Variants in TPO observed in about 807,000 individuals in gnomAD.
TPO encodes thyroid microsomal antigen.
TPO carries 78 observed loss-of-function variants against 96.9 expected under a neutral mutation model. The ratio of observed to expected loss-of-function variants is 0.81; its 90% CI spans 0.67 to 0.97. The LOEUF (loss-of-function observed/expected upper bound fraction) is 0.97, where lower values mean the gene tolerates loss of function less well. TPO is among the 50% of genes least tolerant of loss of function. The probability of loss-of-function intolerance (pLI) is 0.00; values close to 1 mark genes in which losing one functional copy is unlikely to be tolerated. For synonymous variants in TPO, 547 were observed against 538.0 expected (o/e 1.02, Z -0.23); for missense variants, 1,252 against 1,274.8 (o/e 0.98, Z 0.27).
At position 1,477,610 on chromosome 2, in the gene TPO, C is replaced by CG; in HGVS notation, c.1338+10dup. ...TCGTGGGCGCTCTGCACCAGGTGCG[C>CG]GGGGTGGTCCTGGGCGCCCTGGGTG... On this transcript the variant is annotated splice_region_variant and intron_variant, in intron 8 of 16. Coordinates refer to ENST00000329066, the MANE Select transcript of TPO (RefSeq NM_001206744.2). The CG allele has an allele frequency of 1.3e-6, 2 of 1,510,030 alleles. No individual in the cohort carries two copies. The highest frequency in any genetic ancestry group is 1.8e-6 in the Non-Finnish European group (2 of 1,135,260). The allele number at this position is 1,510,030 out of a possible 1,614,324, so 93.5% of individuals were successfully genotyped here.
intron 7 of TPO, among the ~76,000 whole-genome samples, chr2:1,461,745 T>C (rs962384477): frequency 6.6e-6 from 1 of 152,028 alleles, no homozygotes; most frequent in Non-Finnish European, 1.5e-5. Flanking sequence ...TACATGCTCA[T>C]GACACACAGA....
intron 1 of TPO, among the ~76,000 whole-genome samples, chr2:1,390,636 A>G (rs1661985647): frequency 6.6e-6 from 1 of 151,902 alleles, no homozygotes; most frequent in South Asian, 2.1e-4. Flanking sequence ...ACTAATTTAC[A>G]CTCCCATTAA....
At position 1,477,855 on chromosome 2, in the gene TPO, C is replaced by T. The variant is rs531986381; in HGVS notation, c.1338+251C>T. 9 of 985,428 alleles carry T rather than the reference C, an allele frequency of 9.1e-6. No individual in the cohort carries two copies. In the South Asian group the frequency reaches 2.8e-4, roughly 31 times the overall value. The allele number at this position is 985,428 out of a possible 1,614,324, so 61.0% of individuals were successfully genotyped here. ...AAGGGTAACTCCGGAGCTGGCGGCC[C>T]TCCGGGGCCCCTCTGTCCCACCTGC... On this transcript the variant is annotated intron_variant, in intron 8 of 16. Coordinates refer to ENST00000329066, the MANE Select transcript of TPO (RefSeq NM_001206744.2).
In TPO at chr2:1,542,649, A is replaced by C; in HGVS notation, c.*175A>C. ...ATGGATGAATAAATGTTATAGCTGC[A>C]TTTGTCTGGCCTTTTCTTGTAAACA... is the stretch of plus-strand genomic sequence containing the variant. On this transcript the variant is annotated 3_prime_UTR_variant, in exon 17 of 17. Transcript: ENST00000329066. The C allele has an allele frequency of 6.5e-7, 1 of 1,536,828 alleles. No individual in the cohort carries two copies. The highest frequency in any genetic ancestry group is 8.8e-7 in the Non-Finnish European group (1 of 1,136,120).
At chr2:1,398,317 A>G (rs1043053002) in intron 1 of TPO, among the ~76,000 whole-genome samples, 5 of 152,126 alleles carry the variant, frequency 3.3e-5, no homozygotes, top group African/African-American at 1.2e-4. Flanking sequence ...CGCGCTGCCC[A>G]CAAACTACTG....
chr2:1,517,079 A>AC, intron 15 of TPO, 97 bp downstream of exon 15: 1 of 1,262,308 alleles, frequency 7.9e-7, no homozygotes, highest in Non-Finnish European at 1.1e-6. Flanking sequence ...CCCGAAGCTA[A>AC]CACAGGTTAC....
rs576187639 is a variant in TPO at position 1,432,549 on chromosome 2, G to A, written c.180-889G>A. Among the ~76,000 whole-genome samples, 6 of 137,972 alleles carry A rather than the reference G, an allele frequency of 4.3e-5. No homozygotes were observed. In the East Asian group the frequency reaches 1.5e-3, roughly 34 times the overall value. The allele number at this position is 137,972 out of a possible 152,430, so 90.5% of individuals were successfully genotyped here. On this transcript the variant is annotated intron_variant, in intron 3 of 16. Coordinates refer to ENST00000329066, the MANE Select transcript of TPO (RefSeq NM_001206744.2). ...AGGGGAGGCCTGCAGGTGAGGAGAGGCCTGCAGGTGGGGTGAGGCCTGCAG... is the reference window on the plus strand; with the variant it reads ...AGGGGAGGCCTGCAGGTGAGGAGAGACCTGCAGGTGGGGTGAGGCCTGCAG...
chr2:1,534,481 CTCCCCAAACCCCCCACGCAGTGTGCAACT>C (rs1392537306), intron 15 of TPO, among the ~76,000 whole-genome samples: 2 of 94,078 alleles, frequency 2.1e-5, no homozygotes, highest in Non-Finnish European at 4.4e-5. Context: ...TCTGTGCAAA[CTCCCCAAACCCCCCACGCAGTGTGCAACT>C]TCCCCAAATC....
At chr2:1,496,414 G>A (rs906323856) in intron 12 of TPO, among the ~76,000 whole-genome samples, 181 bp from the exon 13 acceptor site, 1 of 152,164 alleles carries the variant, frequency 6.6e-6, no homozygotes, top group African/African-American at 2.4e-5. Flanking sequence ...GGGAGCCCGC[G>A]GGGCCCGATC....
rs749941271 is a variant in TPO, at chr2:1,496,069, G to C, written c.2087G>C (p.Cys696Ser). 29 of 1,613,938 alleles carry C rather than the reference G, an allele frequency of 1.8e-5. No individual in the cohort carries two copies. The highest frequency in any genetic ancestry group is 2.3e-5 in the Non-Finnish European group (27 of 1,180,032). ...LEKHSLSRVICDNTGLTRVPM... is the reference protein window; with the variant it reads ...LEKHSLSRVISDNTGLTRVPM... ...AAGCACTCCCTGTCTCGGGTCATCT[G>C]TGACAACACTGGCCTCACCAGGGTG... Residue 696 changes from cysteine (C) to serine (S), a missense_variant, in exon 12 of 17, where the codon TGT (cysteine) becomes TCT (serine). Physicochemically the swap from Cys to Ser is moderately radical, Grantham distance 112. Coordinates refer to ENST00000329066, the MANE Select transcript of TPO (RefSeq NM_001206744.2).
At chr2:1,508,514 C>G (rs1173907763) in intron 14 of TPO, among the ~76,000 whole-genome samples, 12 of 152,136 alleles carry the variant, frequency 7.9e-5, no homozygotes, top group African/African-American at 2.9e-4. Context: ...CCATCTGGTC[C>G]TGGACTTTTT....
At chr2:1,388,770 G>A (rs1337145515) in intron 1 of TPO, among the ~76,000 whole-genome samples, 1 of 152,154 alleles carries the variant, frequency 6.6e-6, no homozygotes, top group African/African-American at 2.4e-5. Context: ...ACCTCAGTTG[G>A]AAATGCAGAA....
intron 15 of TPO, among the ~76,000 whole-genome samples, chr2:1,539,577 GTGACGGTGCACTGGACTTTGC>G (rs1558445971): frequency 6.6e-6 from 1 of 152,194 alleles, no homozygotes; most frequent in Non-Finnish European, 1.5e-5. Flanking sequence ...GGGTGGGGCG[GTGACGGTGCACTGGACTTTGC>G]TGGCGGTGCT....
intron 1 of TPO, among the ~76,000 whole-genome samples, chr2:1,380,179 G>C (rs1661785870): frequency 6.6e-6 from 1 of 152,138 alleles, no homozygotes; most frequent in African/African-American, 2.4e-5. Context: ...CGGATCATGA[G>C]GTCAGGAGAT....
intron 1 of TPO, among the ~76,000 whole-genome samples, chr2:1,408,451 T>G (rs1311191909): frequency 6.6e-6 from 1 of 152,174 alleles, no homozygotes; most frequent in African/African-American, 2.4e-5. Flanking sequence ...GAGTTGTGCG[T>G]GGGCTGCTGA....
Position 1,487,866 on chromosome 2 carries a change from A to G in TPO, c.1643A>G (p.Lys548Arg). ...CGAGGCCTTCTTGCAAGACCAGCCA[A>G]ACTGCAGGTGCAGGATCAGCTGATG... ...LIRGLLARPA[K>R]LQVQDQLMNE... The change falls in exon 10 of 17, where the codon AAA becomes AGA. Residue 548 changes from lysine (K) to arginine (R), a missense_variant. Lys to Arg is a conservative substitution (Grantham distance 26, BLOSUM62 2). Coordinates refer to ENST00000329066, the MANE Select transcript of TPO (RefSeq NM_001206744.2). 9 of 1,614,246 alleles carry G rather than the reference A, an allele frequency of 5.6e-6. No homozygotes were observed. The highest frequency in any genetic ancestry group is 7.6e-6 in the Non-Finnish European group (9 of 1,180,048).
At chr2:1,536,643 C>CG in intron 15 of TPO, among the ~76,000 whole-genome samples, 1 of 31,956 alleles carries the variant, frequency 3.1e-5, no homozygotes, top group Non-Finnish European at 6.5e-5. Context: ...TCCCCAAATC[C>CG]CCCCCCCCAC....
intron 4 of TPO, among the ~76,000 whole-genome samples, chr2:1,434,590 G>A (rs931770683): frequency 5.9e-5 from 9 of 152,152 alleles, no homozygotes; most frequent in Non-Finnish European, 5.9e-5. Flanking sequence ...GCCTCCTATG[G>A]AAATGGCAGT....
At chr2:1,531,988 C>T (rs1173743584) in intron 15 of TPO, among the ~76,000 whole-genome samples, 1 of 108,156 alleles carries the variant, frequency 9.2e-6, no homozygotes, top group African/African-American at 3.3e-5. Flanking sequence ...CTGTGTGCAA[C>T]CTCCCAAAAT....
Sources: allele counts gnomAD v4.1 joint callset (sites outside exome capture counted in the v4.1 genomes callset), GRCh38; gene constraint gnomAD v4.1.1; transcripts MANE v1.5; gene names NCBI Gene and HGNC (gene_info 2026-07-23, HGNC 2026-07-21).